Variants in SEM1 observed in about 807,000 individuals in gnomAD.
SEM1 encodes 26S proteasome complex subunit SEM1.
SEM1 carries 3 observed loss-of-function variants against 12.7 expected under a neutral mutation model. The ratio of observed to expected loss-of-function variants is 0.24; its 90% CI spans 0.11 to 0.61. SEM1 has a LOEUF of 0.61. Among genes scored for constraint, SEM1 ranks in the 20% least tolerant of loss-of-function variants. SEM1 has a pLI of 0.88. For synonymous variants in SEM1, 30 were observed against 27.8 expected (o/e 1.08, Z -0.25); for missense variants, 59 against 81.3 (o/e 0.73, Z 1.06).
chr7:96,597,351 A>T (rs1182602476), intron 2 of SEM1, among the ~76,000 whole-genome samples: 3 of 152,152 alleles, frequency 2.0e-5, no homozygotes, highest in Admixed American at 2.0e-4. Context: ...AACTTGGAAG[A>T]GGCATATCAG....
chr7:96,559,114 G>A (rs960617539), intron 2 of SEM1, among the ~76,000 whole-genome samples: 1 of 152,128 alleles, frequency 6.6e-6, no homozygotes, highest in Non-Finnish European at 1.5e-5. Flanking sequence ...GGATACACAC[G>A]TTAACATCTA....
At chr7:96,703,500 T>C (rs941312743) in intron 1 of SEM1, among the ~76,000 whole-genome samples, 1 of 152,182 alleles carries the variant, frequency 6.6e-6, no homozygotes, top group Admixed American at 6.5e-5. Flanking sequence ...CAATTCAATT[T>C]GGCAATTCTT....
At chr7:96,675,873 G>C (rs892090891) in intron 2 of SEM1, among the ~76,000 whole-genome samples, 1 of 152,204 alleles carries the variant, frequency 6.6e-6, no homozygotes, top group Non-Finnish European at 1.5e-5. Context: ...CCTGATGCCA[G>C]AGATGTCCTA....
downstream of SEM1, chr7:96,622,249 C>G (rs1303059287): frequency 5.8e-6 from 1 of 172,814 alleles, no homozygotes; most frequent in Non-Finnish European, 1.1e-5. Flanking sequence ...ATAAACTCAC[C>G]AGAACATAAA....
chr7:96,621,049 G>A (rs1807877443), downstream of SEM1, among the ~76,000 whole-genome samples: 2 of 151,974 alleles, frequency 1.3e-5, no homozygotes, highest in Non-Finnish European at 2.9e-5. Context: ...AACACACTAT[G>A]TATGACCAGT....
At chr7:96,615,822 C>G (rs935122847) in intron 2 of SEM1, among the ~76,000 whole-genome samples, 34 of 152,076 alleles carry the variant, frequency 2.2e-4, no homozygotes, top group Admixed American at 1.6e-3. Flanking sequence ...TGTTTAGCTC[C>G]CACTTGTAAG....
chr7:96,520,933 C>G (rs1484815740), intron 2 of SEM1, among the ~76,000 whole-genome samples: 1 of 152,026 alleles, frequency 6.6e-6, no homozygotes, highest in Admixed American at 6.6e-5. Flanking sequence ...GGCTGATTGT[C>G]CTGAGAGCCC....
chr7:96,629,293 T>C (rs1331891815), intron 2 of SEM1, among the ~76,000 whole-genome samples: 1 of 152,096 alleles, frequency 6.6e-6, no homozygotes, highest in Non-Finnish European at 1.5e-5. Context: ...CTTTTGCAGC[T>C]ATTTTCTAGA....
chr7:96,575,576 T>C (rs1427048265), intron 2 of SEM1, among the ~76,000 whole-genome samples: 2 of 152,198 alleles, frequency 1.3e-5, no homozygotes, highest in African/African-American at 4.8e-5. Context: ...CAGCCACCCC[T>C]TCCCCCAGGT....
At chr7:96,672,309 A>G (rs1427592964), downstream of SEM1, among the ~76,000 whole-genome samples, 1 of 152,170 alleles carries the variant, frequency 6.6e-6, no homozygotes, top group African/African-American at 2.4e-5. Context: ...TAGCTACCCA[A>G]AAGTTTGATG....
chr7:96,573,709 C>T (rs527839560), intron 2 of SEM1, among the ~76,000 whole-genome samples: 52 of 152,166 alleles, frequency 3.4e-4, no homozygotes, highest in African/African-American at 1.2e-3. Flanking sequence ...TTTTTTCCTT[C>T]GTTTCAACCT....
chr7:96,701,633 T>C (rs1354967964), intron 1 of SEM1, among the ~76,000 whole-genome samples: 3 of 152,118 alleles, frequency 2.0e-5, no homozygotes, highest in Admixed American at 2.0e-4. Flanking sequence ...TAGCCATATA[T>C]TACAGATAAT....
intron 2 of SEM1, among the ~76,000 whole-genome samples, chr7:96,568,005 A>T (rs889530105): frequency 6.6e-6 from 1 of 151,486 alleles, no homozygotes; most frequent in Non-Finnish European, 1.5e-5. Flanking sequence ...AATTATTTTG[A>T]TGGGTACATA....
intron 2 of SEM1, among the ~76,000 whole-genome samples, chr7:96,544,142 C>T (rs1333307040): frequency 6.6e-6 from 1 of 151,992 alleles, no homozygotes; most frequent in Non-Finnish European, 1.5e-5. Flanking sequence ...TTCTTAAAGG[C>T]CTCTAGGAAA....
chr7:96,577,699 T>C (rs1179692544), intron 2 of SEM1, among the ~76,000 whole-genome samples: 1 of 152,008 alleles, frequency 6.6e-6, no homozygotes, highest in African/African-American at 2.4e-5. Flanking sequence ...CCTAGGTGAC[T>C]GATAGAAGCA....
intron 1 of SEM1, among the ~76,000 whole-genome samples, chr7:96,489,339 G>T (rs4487685): frequency 2.0e-5 from 3 of 151,908 alleles, no homozygotes; most frequent in Non-Finnish European, 4.4e-5. Flanking sequence ...GTTAAGCTAC[G>T]AATTGCTGGG....
chr7:96,604,968 A>T (rs1169161364), intron 2 of SEM1, among the ~76,000 whole-genome samples: 1 of 151,964 alleles, frequency 6.6e-6, no homozygotes, highest in African/African-American at 2.4e-5. Flanking sequence ...ACCAAGCAGA[A>T]AGAATAGCTA....
chr7:96,673,644 T>C (rs1341695474), exon 3 of SEM1: 3 of 665,698 alleles, frequency 4.5e-6, no homozygotes, highest in Non-Finnish European at 8.2e-6. Flanking sequence ...ACTCCCTCCT[T>C]ACTGACTCCA....
At chr7:96,572,969 T>G (rs1806085457) in intron 2 of SEM1, among the ~76,000 whole-genome samples, 1 of 152,246 alleles carries the variant, frequency 6.6e-6, no homozygotes, top group Non-Finnish European at 1.5e-5. Flanking sequence ...GGTGCTCCTG[T>G]ATAGGGTGCA....
Sources: gnomAD v4.1 joint callset for allele counts (sites outside exome capture counted in the v4.1 genomes callset) on GRCh38, gnomAD v4.1.1 for gene constraint, MANE v1.5 for transcripts, NCBI Gene and HGNC (gene_info 2026-07-23, HGNC 2026-07-21) for gene names.